Variants in KCNQ5 observed in about 807,000 individuals in gnomAD.
The protein encoded by KCNQ5 is potassium voltage-gated channel subfamily KQT member 5.
In KCNQ5, 30 loss-of-function variants were observed where a neutral mutation model predicts 98.2. That is an observed-to-expected ratio of 0.31 (90% CI 0.23 to 0.41). The LOEUF (loss-of-function observed/expected upper bound fraction) is 0.41. KCNQ5 is among the 10% of genes least tolerant of loss of function. KCNQ5 has a pLI of 1.00. For synonymous variants in KCNQ5, 458 were observed against 449.4 expected, an observed-to-expected ratio of 1.02 and a Z score of -0.24; for missense variants, 835 against 1,182.5, an observed-to-expected ratio of 0.71 and a Z score of 4.31.
At position 72,700,917 on chromosome 6, in the gene KCNQ5, T is replaced by C. The variant is rs548551261; in HGVS notation, c.398+78330T>C. On this transcript the variant is annotated intron_variant, in intron 1 of 13. Coordinates refer to ENST00000370398, the MANE Select transcript of KCNQ5 (RefSeq NM_019842.4). ...TGACCAGATAAAAAAGAAGTATTAA[T>C]ATTACCTAGAATCATCAGATACCCT... is the stretch of plus-strand genomic sequence containing the variant. Among the ~76,000 whole-genome samples the C allele has an allele frequency of 2.6e-5, 4 of 152,326 alleles. No individual in the cohort carries two copies. In the South Asian group the frequency reaches 6.2e-4, roughly 24 times the overall value.
intron 1 of KCNQ5, among the ~76,000 whole-genome samples, chr6:72,700,987 C>T (rs1164877556): frequency 1.3e-5 from 2 of 152,170 alleles, no homozygotes; most frequent in African/African-American, 4.8e-5. Context: ...TTCTGACATG[C>T]GACTACATTG....
In KCNQ5 at chr6:73,029,317, A is replaced by G. The variant is rs182900254; in HGVS notation, c.490-12619A>G. ...TAACACAACAGAGAAACGGATTGTG[A>G]CAGAAACAAAGGATACTCCCATGAA... On this transcript the variant is annotated intron_variant, in intron 2 of 13. Transcript: ENST00000370398. Among the ~76,000 whole-genome samples, 466 of 152,284 alleles carry G rather than the reference A, an allele frequency of 3.1e-3. 2 individuals are homozygous for G. The highest frequency in any genetic ancestry group is 4.1e-3 in the Non-Finnish European group (276 of 68,024).
chr6:72,806,165 G>A (rs1298493611), intron 1 of KCNQ5, among the ~76,000 whole-genome samples: 7 of 152,096 alleles, frequency 4.6e-5, no homozygotes, highest in Non-Finnish European at 1.0e-4. Flanking sequence ...AAGCTTGTGA[G>A]AATGTTTTCT....
At chr6:73,016,996 C>A (rs1770374920) in intron 2 of KCNQ5, among the ~76,000 whole-genome samples, 1 of 152,106 alleles carries the variant, frequency 6.6e-6, no homozygotes, top group Non-Finnish European at 1.5e-5. Flanking sequence ...CTGTGGATTT[C>A]TATAGATTTT....
At chr6:73,015,712 C>T (rs530299174) in intron 2 of KCNQ5, among the ~76,000 whole-genome samples, 4 of 152,000 alleles carry the variant, frequency 2.6e-5, no homozygotes, top group Non-Finnish European at 5.9e-5. Flanking sequence ...AAAAGTATAT[C>T]TGATGGAGAG....
chr6:73,068,413 T>G (rs1256731163), intron 3 of KCNQ5, among the ~76,000 whole-genome samples: 1 of 152,208 alleles, frequency 6.6e-6, no homozygotes, highest in East Asian at 1.9e-4. Flanking sequence ...TCTCACAATA[T>G]TCTTCTAAGA....
chr6:72,805,322 G>A (rs993760510), intron 1 of KCNQ5, among the ~76,000 whole-genome samples: 1 of 151,964 alleles, frequency 6.6e-6, no homozygotes, highest in Non-Finnish European at 1.5e-5. Flanking sequence ...GCGTTTAACG[G>A]ATTCTGATTT....
chr6:72,987,059 G>C (rs969613540), intron 1 of KCNQ5: 4 of 718,410 alleles, frequency 5.6e-6, no homozygotes, highest in Non-Finnish European at 9.7e-6. Context: ...GGTCCATGGA[G>C]AGCAGCCCTA....
At chr6:72,628,174 C>G (rs998297725) in intron 1 of KCNQ5, among the ~76,000 whole-genome samples, 1 of 152,158 alleles carries the variant, frequency 6.6e-6, no homozygotes, top group Non-Finnish European at 1.5e-5. Context: ...TTCTTATAAG[C>G]CTTCCACAGA....
intron 2 of KCNQ5, among the ~76,000 whole-genome samples, chr6:73,013,626 A>C (rs2150332438): frequency 6.6e-6 from 1 of 152,260 alleles, no homozygotes; most frequent in Non-Finnish European, 1.5e-5. Context: ...ATAGCTAAAT[A>C]AGTTGTGCAA....
chr6:72,702,940 C>T (rs1014482378), intron 1 of KCNQ5, among the ~76,000 whole-genome samples: 24 of 152,050 alleles, frequency 1.6e-4, no homozygotes, highest in Middle Eastern at 3.4e-3. Context: ...CCTGCCATCA[C>T]TGACCTGCCT....
chr6:73,089,293 G>A (rs1043928878), intron 5 of KCNQ5, among the ~76,000 whole-genome samples: 1 of 152,154 alleles, frequency 6.6e-6, no homozygotes, highest in Non-Finnish European at 1.5e-5. Flanking sequence ...AAGATGAACA[G>A]AATAAGGATT....
At chr6:73,038,969 C>T (rs1474977913) in intron 2 of KCNQ5, among the ~76,000 whole-genome samples, 2 of 151,990 alleles carry the variant, frequency 1.3e-5, no homozygotes, top group Non-Finnish European at 2.9e-5. Flanking sequence ...AACCATTTGA[C>T]CTGGACATTT....
rs183224648 is a variant in KCNQ5, at chr6:72,810,400, T to C, written c.398+187813T>C. 2.4e-3 allele frequency among the ~76,000 whole-genome samples: 364 copies of C among 152,318 alleles called. 1 individual carries two copies. The highest frequency in any genetic ancestry group is 4.0e-3 in the Admixed American group (61 of 15,294). On this transcript the variant is annotated intron_variant, in intron 1 of 13. Transcript: ENST00000370398. ...CACTAGAGCTAATAGGACATTTTATTGCATAGAATTCATGTGGTATGTTGC... is the reference window on the plus strand; with the variant it reads ...CACTAGAGCTAATAGGACATTTTATCGCATAGAATTCATGTGGTATGTTGC...
intron 5 of KCNQ5, among the ~76,000 whole-genome samples, chr6:73,083,610 T>A (rs1001409402): frequency 5.9e-5 from 9 of 152,230 alleles, no homozygotes; most frequent in African/African-American, 9.6e-5. Flanking sequence ...ATATTACATT[T>A]ATGTGCTTTA....
chr6:72,714,956 A>C (rs1445117793), intron 1 of KCNQ5, among the ~76,000 whole-genome samples: 1 of 152,294 alleles, frequency 6.6e-6, no homozygotes, highest in East Asian at 1.9e-4. Context: ...ATAAATATAT[A>C]GCTTCTGTGA....
intron 1 of KCNQ5, among the ~76,000 whole-genome samples, chr6:72,699,880 A>T (rs1768704944): frequency 2.0e-5 from 3 of 152,168 alleles, no homozygotes; most frequent in Admixed American, 1.3e-4. Context: ...ACATTTATTG[A>T]ATCTATGTTT....
intron 1 of KCNQ5, among the ~76,000 whole-genome samples, chr6:72,901,496 C>T (rs1185338059): frequency 6.6e-6 from 1 of 152,120 alleles, no homozygotes; most frequent in African/African-American, 2.4e-5. Context: ...AGATTTAAGT[C>T]CTTAATCCAT....
intron 1 of KCNQ5, among the ~76,000 whole-genome samples, chr6:72,777,857 G>A (rs979787481): frequency 2.0e-5 from 3 of 152,182 alleles, no homozygotes; most frequent in African/African-American, 7.2e-5. Context: ...GACTGTGGGT[G>A]ATTGTGCTGC....
Sources: allele counts gnomAD v4.1 joint callset (sites outside exome capture counted in the v4.1 genomes callset), GRCh38; gene constraint gnomAD v4.1.1; transcripts MANE v1.5; gene names NCBI Gene and HGNC (gene_info 2026-07-23, HGNC 2026-07-21).